Variants in COL6A6 observed in about 807,000 individuals in gnomAD.
The protein encoded by COL6A6 is collagen type VI alpha 6 chain.
In COL6A6, 183 loss-of-function variants were observed where a neutral mutation model predicts 208.6. That is an observed-to-expected ratio of 0.88 (90% confidence interval 0.78 to 0.99). The LOEUF is 0.99. Ranked by LOEUF, COL6A6 falls within the 50% of genes least tolerant of loss-of-function variation. The pLI is 0.00. For synonymous variants in COL6A6, 973 were observed against 1,011.8 expected (o/e 0.96, Z 0.73); for missense variants, 2,816 against 2,815.2 (o/e 1.00, Z -0.01).
Position 130,592,590 on chromosome 3 carries a change from G to A in COL6A6, c.4322G>A (p.Cys1441Tyr). 1 of 1,613,148 alleles carries A rather than the reference G, an allele frequency of 6.2e-7. No individual in the cohort carries two copies. Among genetic ancestry groups the A allele is most frequent in the Non-Finnish European group, 8.5e-7 (1 of 1,179,370 alleles). Residue 1441 changes from cysteine (C) to tyrosine (Y), a missense_variant, in exon 14 of 37, where the codon TGC becomes TAC. Transcript: ENST00000358511. ...GPVGEQGTKG[C>Y]YGTKGPKGNR... ...GTGGGAGAGCAAGGTACTAAGGGAT[G>A]CTATGGCACCAAAGGTCCTAAGGTA...
In COL6A6 at chr3:130,677,032, C is replaced by T. The variant is rs1013778464; in HGVS notation, c.*1635C>T. On this transcript the variant is annotated 3_prime_UTR_variant, in exon 37 of 37. Transcript: ENST00000358511. ...TTTTTCTGCATTGGCAAGTAAAGAA[C>T]ATAAAACAAATATTCCCTTGGTGAC... is the stretch of plus-strand genomic sequence containing the variant. 6 of 152,138 alleles carry T rather than the reference C, an allele frequency of 3.9e-5. No homozygotes were observed. The highest frequency in any genetic ancestry group is 3.9e-4 in the Admixed American group (6 of 15,256). The allele number at this position is 152,138 out of a possible 1,614,324, so 9.4% of individuals were successfully genotyped here. A position where few individuals can be genotyped will look rare whatever the true frequency, so the allele number is the denominator to read the frequency against.
intron 31 of COL6A6, among the ~76,000 whole-genome samples, chr3:130,644,517 A>G (rs974169618): frequency 2.0e-5 from 3 of 152,254 alleles, no homozygotes. Flanking sequence ...TGATACTTAC[A>G]TAACATATAA....
intron 1 of COL6A6, among the ~76,000 whole-genome samples, chr3:130,537,339 G>C (rs975590633): frequency 7.9e-5 from 12 of 152,146 alleles, no homozygotes; most frequent in African/African-American, 2.9e-4. Context: ...ATTAAGTGTG[G>C]CTCTTAGAAT....
At chr3:130,537,077 C>G (rs1343829398) in intron 1 of COL6A6, among the ~76,000 whole-genome samples, 1 of 152,194 alleles carries the variant, frequency 6.6e-6, no homozygotes, top group Non-Finnish European at 1.5e-5. Context: ...AGTGGTACCA[C>G]TTACTGAGAT....
At chr3:130,584,925 T>TCCAC (rs2063503723) in intron 10 of COL6A6, among the ~76,000 whole-genome samples, 2 of 151,582 alleles carry the variant, frequency 1.3e-5, no homozygotes, top group Non-Finnish European at 2.9e-5. Flanking sequence ...CTTTCTTTCT[T>TCCAC]CCACTGCAGC....
chr3:130,564,366 C>A (rs940095648), intron 3 of COL6A6, among the ~76,000 whole-genome samples: 4 of 152,188 alleles, frequency 2.6e-5, no homozygotes, highest in African/African-American at 7.2e-5. Context: ...GATCATCATT[C>A]AAGTGAAGGG....
At chr3:130,539,477 T>C (rs573786988) in intron 1 of COL6A6, among the ~76,000 whole-genome samples, 4 of 152,040 alleles carry the variant, frequency 2.6e-5, no homozygotes, top group African/African-American at 7.2e-5. Context: ...CTACTAAAAA[T>C]ACAAAAATTA....
chr3:130,601,353 ACCCGTGT>A (rs746125042), intron 20 of COL6A6, among the ~76,000 whole-genome samples: 1 of 152,234 alleles, frequency 6.6e-6, no homozygotes, highest in Non-Finnish European at 1.5e-5. Flanking sequence ...CTTGGAGCAT[ACCCGTGT>A]TCTTTGCAAG....
chr3:130,636,160 A>G (rs2065105317), intron 28 of COL6A6, among the ~76,000 whole-genome samples: 1 of 152,252 alleles, frequency 6.6e-6, no homozygotes, highest in Admixed American at 6.5e-5. Flanking sequence ...TTGTTAATCT[A>G]CTTTTAATGA....
intron 1 of COL6A6, among the ~76,000 whole-genome samples, chr3:130,536,995 G>C (rs1396329): frequency 6.6e-6 from 1 of 152,182 alleles, no homozygotes; most frequent in East Asian, 1.9e-4. Context: ...AAAACTAACA[G>C]TGTCTGCTCA....
chr3:130,522,468 T>C (rs1711128636), intron 1 of COL6A6, among the ~76,000 whole-genome samples: 1 of 152,212 alleles, frequency 6.6e-6, no homozygotes, highest in South Asian at 2.1e-4. Context: ...GTGAAGATAA[T>C]GCTGGGCCCT....
chr3:130,578,094 A>G (rs1317310514), intron 8 of COL6A6, among the ~76,000 whole-genome samples: 1 of 152,084 alleles, frequency 6.6e-6, no homozygotes, highest in African/African-American at 2.4e-5. Flanking sequence ...ACTTTGAGCA[A>G]TTTTTAGGAT....
chr3:130,658,850 C>T, intron 34 of COL6A6, 78 bp downstream of exon 34: 1 of 1,020,350 alleles, frequency 9.8e-7, no homozygotes, highest in Non-Finnish European at 1.5e-6. Flanking sequence ...GCAACTGGAA[C>T]TTGGCAGCAG....
intron 1 of COL6A6, among the ~76,000 whole-genome samples, chr3:130,559,636 C>T (rs1284590190): frequency 6.6e-6 from 1 of 152,112 alleles, no homozygotes; most frequent in Non-Finnish European, 1.5e-5. Flanking sequence ...TATTTATTTT[C>T]AATGCATTTA....
chr3:130,545,242 A>T (rs1459883682), intron 1 of COL6A6, among the ~76,000 whole-genome samples: 2 of 152,096 alleles, frequency 1.3e-5, no homozygotes, highest in African/African-American at 4.8e-5. Context: ...TTGCATGTGG[A>T]TATACCATTT....
chr3:130,520,976 G>A (rs1304826884), intron 1 of COL6A6, among the ~76,000 whole-genome samples: 2 of 152,186 alleles, frequency 1.3e-5, no homozygotes, highest in African/African-American at 4.8e-5. Context: ...CTGGTAGAGG[G>A]GAGGGAAGAA....
At chr3:130,535,343 A>G (rs1308873901) in intron 1 of COL6A6, among the ~76,000 whole-genome samples, 4 of 152,072 alleles carry the variant, frequency 2.6e-5, no homozygotes, top group African/African-American at 4.8e-5. Flanking sequence ...TTGTTTTTCA[A>G]ATTCATACCT....
At chr3:130,531,731 CAGATG>C (rs1190161993) in intron 1 of COL6A6, among the ~76,000 whole-genome samples, 1 of 152,204 alleles carries the variant, frequency 6.6e-6, no homozygotes, top group East Asian at 1.9e-4. Context: ...GAAAGAGAAG[CAGATG>C]ATTTGATTTG....
At chr3:130,581,366 A>G (rs777562092) in intron 8 of COL6A6, among the ~76,000 whole-genome samples, 195 bp from the exon 9 acceptor site, 23 of 152,254 alleles carry the variant, frequency 1.5e-4, no homozygotes, top group Non-Finnish European at 1.8e-4. Flanking sequence ...TGAAAAAATA[A>G]TAATGAACCC....
Sources: gnomAD v4.1 joint callset for allele counts (sites outside exome capture counted in the v4.1 genomes callset) on GRCh38, gnomAD v4.1.1 for gene constraint, MANE v1.5 for transcripts, NCBI Gene and HGNC (gene_info 2026-07-23, HGNC 2026-07-21) for gene names.